TACR1: variants seen among roughly 807,000 people sequenced by gnomAD.
TACR1 encodes the protein substance-P receptor.
Under a neutral mutation model 35.8 loss-of-function variants are expected in TACR1, and 25 were observed. That is an observed-to-expected ratio of 0.70 (90% CI 0.51 to 0.98). TACR1 has a LOEUF of 0.98. Among genes scored for constraint, TACR1 ranks in the 50% least tolerant of loss-of-function variants. The pLI is 0.00. For missense variants in TACR1, 478 were observed against 522.9 expected (o/e 0.91, Z 0.84); for synonymous variants, 195 against 206.7 (o/e 0.94, Z 0.48).
At chr2:75,195,659 T>A (rs1280517374) in intron 1 of TACR1, among the ~76,000 whole-genome samples, 1 of 151,926 alleles carries the variant, frequency 6.6e-6, no homozygotes, top group Non-Finnish European at 1.5e-5. Context: ...TTGGGATCTA[T>A]CTTAAGAAAA....
intron 2 of TACR1, among the ~76,000 whole-genome samples, chr2:75,107,226 G>C (rs1333180499): frequency 1.3e-5 from 2 of 151,744 alleles, no homozygotes; most frequent in Non-Finnish European, 2.9e-5. Context: ...GCACATGTAA[G>C]GCAAAGCTTT....
intron 1 of TACR1, among the ~76,000 whole-genome samples, chr2:75,169,651 A>G (rs948334370): frequency 7.9e-5 from 12 of 152,204 alleles, no homozygotes; most frequent in African/African-American, 1.9e-4. Flanking sequence ...ATTAATGGGT[A>G]TAGATTTTTT....
intron 2 of TACR1, among the ~76,000 whole-genome samples, chr2:75,112,952 C>A (rs1456477447): frequency 6.6e-6 from 1 of 152,018 alleles, no homozygotes; most frequent in Admixed American, 6.6e-5. Context: ...TGGAGTTGGT[C>A]TGAAGGTTTG....
At chr2:75,187,773 G>A (rs749356282) in intron 1 of TACR1, 10 of 152,194 alleles carry the variant, frequency 6.6e-5, no homozygotes, top group Non-Finnish European at 1.0e-4. Context: ...ACTGTAGCTG[G>A]TTATAACATT....
intron 2 of TACR1, among the ~76,000 whole-genome samples, chr2:75,096,046 G>A (rs1026516231): frequency 6.6e-6 from 1 of 152,200 alleles, no homozygotes; most frequent in Non-Finnish European, 1.5e-5. Flanking sequence ...GTGAGAAATA[G>A]TGGAGGCAGT....
intron 2 of TACR1, among the ~76,000 whole-genome samples, chr2:75,108,149 A>G (rs1005976085): frequency 6.6e-6 from 1 of 152,070 alleles, no homozygotes; most frequent in African/African-American, 2.4e-5. Flanking sequence ...TTCCAATGCT[A>G]TTTTGGAAAA....
intron 2 of TACR1, among the ~76,000 whole-genome samples, chr2:75,057,960 G>C (rs1391774859): frequency 6.6e-6 from 1 of 152,150 alleles, no homozygotes; most frequent in African/African-American, 2.4e-5. Flanking sequence ...TGGCATTCTA[G>C]GTTTCCAGAT....
intron 2 of TACR1, among the ~76,000 whole-genome samples, chr2:75,058,491 G>A (rs1365180689): frequency 6.6e-6 from 1 of 152,170 alleles, no homozygotes; most frequent in Non-Finnish European, 1.5e-5. Flanking sequence ...CTGGGGTTAA[G>A]GATGCACTAT....
In TACR1 at chr2:75,094,860, T is replaced by TATATATATATATATA. The variant is rs1491102755; in HGVS notation, c.584+25713_584+25714insTATATATATATATAT. Among the ~76,000 whole-genome samples the TATATATATATATATA allele has an allele frequency of 6.1e-3, 309 of 50,246 alleles. 1 individual carries two copies. The highest frequency in any genetic ancestry group is 0.013 in the African/African-American group (136 of 10,586). 33.0% of individuals were successfully genotyped at this position (50,246 alleles called of 152,430 possible). ...AAACATATATATATATATATATATA[T>TATATATATATATATA]TTTTTTTTTTTTTGCCCAAGATGGC... On this transcript the variant is annotated intron_variant, in intron 2 of 4. Coordinates refer to ENST00000305249, the MANE Select transcript of TACR1 (RefSeq NM_001058.4).
intron 2 of TACR1, among the ~76,000 whole-genome samples, chr2:75,101,899 G>A (rs759695650): frequency 2.0e-5 from 3 of 151,990 alleles, no homozygotes; most frequent in Admixed American, 6.5e-5. Flanking sequence ...AACCGAGATC[G>A]TGCCACTGCA....
At chr2:75,155,893 C>G (rs183728617) in intron 1 of TACR1, among the ~76,000 whole-genome samples, 11 of 152,176 alleles carry the variant, frequency 7.2e-5, no homozygotes, top group Non-Finnish European at 1.0e-4. Flanking sequence ...AAATTATGGC[C>G]CATAGGCCAA....
rs765018803 is a variant in TACR1 at position 75,049,180 on chromosome 2, C to T, written c.*252G>A. 9.7e-5 allele frequency: 47 copies of T among 482,584 alleles called. No individual in the cohort carries two copies. The highest frequency in any genetic ancestry group is 1.5e-4 in the Non-Finnish European group (42 of 274,308). 29.9% of individuals were successfully genotyped at this position (482,584 alleles called of 1,614,324 possible). A position where few individuals can be genotyped will look rare whatever the true frequency, so the allele number is the denominator to read the frequency against. ...AATGGGCTTTTGGGAAAAGCTGGTCCGACCTTTTATTTTACAGGCTCAGCA... is the reference window on the plus strand; with the variant it reads ...AATGGGCTTTTGGGAAAAGCTGGTCTGACCTTTTATTTTACAGGCTCAGCA... On this transcript the variant is annotated 3_prime_UTR_variant, in exon 5 of 5. Coordinates refer to ENST00000305249, the MANE Select transcript of TACR1 (RefSeq NM_001058.4).
chr2:75,141,498 T>C lies in TACR1; in HGVS notation c.390-20730A>G, dbSNP rs531331729. On this transcript the variant is annotated intron_variant, in intron 1 of 4. Coordinates refer to ENST00000305249, the MANE Select transcript of TACR1 (RefSeq NM_001058.4). The stretch of plus-strand genomic sequence containing the variant: ...CATAGGAATTACAGCTCTGTCTGGT[T>C]GGCTTAACCACATCCAGGCATGGAG... Among the ~76,000 whole-genome samples the C allele has an allele frequency of 6.6e-5, 10 of 151,688 alleles. No homozygotes were observed. The South Asian group carries it at 1.9e-3, about 28-fold the overall frequency.
intron 1 of TACR1, among the ~76,000 whole-genome samples, chr2:75,157,734 G>T (rs556597034): frequency 3.0e-4 from 46 of 152,256 alleles, no homozygotes; most frequent in Non-Finnish European, 5.0e-4. Flanking sequence ...TATTCAGGGA[G>T]ATGTGGGTTT....
At chr2:75,081,639 A>G (rs1673089232) in intron 2 of TACR1, among the ~76,000 whole-genome samples, 1 of 152,178 alleles carries the variant, frequency 6.6e-6, no homozygotes, top group African/African-American at 2.4e-5. Context: ...GATGAGAGCT[A>G]TGGGCTGCAT....
chr2:75,049,743 A>G lies in TACR1; in HGVS notation c.933-20T>C. 1 of 1,605,142 alleles carries G rather than the reference A, an allele frequency of 6.2e-7. No homozygotes were observed. The highest frequency in any genetic ancestry group is 8.5e-7 in the Non-Finnish European group (1 of 1,174,864). On this transcript the variant is annotated intron_variant, in intron 4 of 4. Transcript: ENST00000305249. ...CGGAACCTGGAGAGCGAGCAGATGA[A>G]GAGGTGACCCTTTGGGACGGCCTGC...
chr2:75,122,047 C>T (rs1033065338), intron 1 of TACR1, among the ~76,000 whole-genome samples: 4 of 152,272 alleles, frequency 2.6e-5, no homozygotes, highest in African/African-American at 2.4e-5. Context: ...GGACACCTGC[C>T]GCACATAGAG....
intron 2 of TACR1, among the ~76,000 whole-genome samples, chr2:75,101,411 A>G (rs549942269): frequency 6.6e-6 from 1 of 152,302 alleles, no homozygotes; most frequent in African/African-American, 2.4e-5. Context: ...AGGGTTTTAT[A>G]TACAATATTT....
chr2:75,082,093 C>T (rs879649522), intron 2 of TACR1, among the ~76,000 whole-genome samples: 8 of 152,002 alleles, frequency 5.3e-5, no homozygotes, highest in Non-Finnish European at 1.0e-4. Context: ...ACAACAGGCT[C>T]TGGGGTATGA....
Sources: allele counts gnomAD v4.1 joint callset (sites outside exome capture counted in the v4.1 genomes callset), GRCh38; gene constraint gnomAD v4.1.1; transcripts MANE v1.5; gene names NCBI Gene and HGNC (gene_info 2026-07-23, HGNC 2026-07-21).